TGFBR1: variants seen among roughly 807,000 people sequenced by gnomAD.
TGFBR1 encodes TGF-beta receptor type-1.
Under a neutral mutation model 55.1 loss-of-function variants are expected in TGFBR1, and 20 were observed. The observed-to-expected ratio is 0.36, with a 90% CI of 0.26 to 0.53. The LOEUF is 0.53. Among genes scored for constraint, TGFBR1 ranks in the 20% least tolerant of loss-of-function variants. TGFBR1 has a pLI of 0.91. For missense variants in TGFBR1, 385 were observed against 617.6 expected (o/e 0.62, Z 3.99); for synonymous variants, 220 against 214.8 (o/e 1.02, Z -0.21).
intron 2 of TGFBR1, among the ~76,000 whole-genome samples, chr9:99,131,677 T>C (rs913724033): frequency 6.6e-6 from 1 of 151,978 alleles, no homozygotes; most frequent in Non-Finnish European, 1.5e-5. Context: ...TTTAAAAAAT[T>C]GGTGGACCTA....
chr9:99,118,266 C>T (rs1455053381), intron 1 of TGFBR1, among the ~76,000 whole-genome samples: 10 of 152,088 alleles, frequency 6.6e-5, no homozygotes, highest in African/African-American at 2.2e-4. Flanking sequence ...CATAGTTGTC[C>T]TCTGCAAGTA....
At chr9:99,137,784 C>A in intron 3 of TGFBR1, 75 bp from the exon 4 acceptor site, 1 of 1,214,202 alleles carries the variant, frequency 8.2e-7, no homozygotes, top group Non-Finnish European at 1.2e-6. Flanking sequence ...CTGGGTCACT[C>A]ATTAGTGCCT....
intron 1 of TGFBR1, among the ~76,000 whole-genome samples, chr9:99,106,610 A>G (rs1245585932): frequency 6.6e-6 from 1 of 152,218 alleles, no homozygotes; most frequent in Non-Finnish European, 1.5e-5. Context: ...CAGATGTGCA[A>G]AGTGGGGTAC....
In TGFBR1 at chr9:99,149,934, A is replaced by T. The variant is rs199867951; in HGVS notation, c.*629A>T. On this transcript the variant is annotated 3_prime_UTR_variant, in exon 9 of 9. Coordinates refer to ENST00000374994, the MANE Select transcript of TGFBR1 (RefSeq NM_004612.4). ...GAACATTACATGCCTTCAAAATGGG[A>T]TTGTACTATACCAGTAAGTGCCACT... 5.1e-6 allele frequency: 1 copy of T among 194,456 alleles called. No homozygotes were observed. Among genetic ancestry groups the T allele is most frequent in the African/African-American group, 2.3e-5 (1 of 43,172 alleles). The allele number at this position is 194,456 out of a possible 1,614,324, so 12.0% of individuals were successfully genotyped here.
chr9:99,106,593 C>T (rs372284259), intron 1 of TGFBR1, among the ~76,000 whole-genome samples: 1 of 152,292 alleles, frequency 6.6e-6, no homozygotes, highest in African/African-American at 2.4e-5. Context: ...GCATTTGCCC[C>T]ACTTTACAGA....
In TGFBR1 at chr9:99,149,960, T is replaced by G. The variant is rs1396355783; in HGVS notation, c.*655T>G. ...TTGTACTATACCAGTAAGTGCCACT[T>G]CTGTGTCTTTCTAATGGAAATGAGT... is the stretch of plus-strand genomic sequence containing the variant. On this transcript the variant is annotated 3_prime_UTR_variant, in exon 9 of 9. Transcript: ENST00000374994. The G allele has an allele frequency of 1.1e-5, 2 of 189,806 alleles. No homozygotes were observed. The highest frequency in any genetic ancestry group is 1.1e-5 in the Non-Finnish European group (1 of 90,240). 11.8% of individuals were successfully genotyped at this position (189,806 alleles called of 1,614,324 possible).
Position 99,120,934 on chromosome 9 carries a change from A to G in TGFBR1, c.98-7921A>G, listed in dbSNP as rs76327464. Among the ~76,000 whole-genome samples the G allele has an allele frequency of 6.9e-3, 1,056 of 152,268 alleles. 19 individuals are homozygous for G. The highest frequency in any genetic ancestry group is 0.024 in the African/African-American group (996 of 41,564). On this transcript the variant is annotated intron_variant, in intron 1 of 8. Coordinates refer to ENST00000374994, the MANE Select transcript of TGFBR1 (RefSeq NM_004612.4). The stretch of plus-strand genomic sequence containing the variant: ...TCCCATCTTGCCATTTGGGCAGCCT[A>G]TTCTTAGTGTGTTTTCTCTGATATC...
intron 1 of TGFBR1, among the ~76,000 whole-genome samples, chr9:99,111,044 A>G (rs1030783121): frequency 6.6e-6 from 1 of 152,148 alleles, no homozygotes; most frequent in Non-Finnish European, 1.5e-5. Flanking sequence ...CAGTTTTACT[A>G]TTTCTTTGCA....
intron 1 of TGFBR1, among the ~76,000 whole-genome samples, chr9:99,105,767 C>A (rs985617207): frequency 6.6e-6 from 1 of 152,132 alleles, no homozygotes; most frequent in Admixed American, 6.5e-5. Context: ...CTGCCGAACC[C>A]GGGGCGGGGT....
intron 1 of TGFBR1, among the ~76,000 whole-genome samples, chr9:99,113,596 G>A (rs1027483069): frequency 6.6e-6 from 1 of 152,148 alleles, no homozygotes; most frequent in African/African-American, 2.4e-5. Flanking sequence ...TTTCAAAAGA[G>A]GATAGTTCCT....
At chr9:99,122,912 A>C (rs991130468) in intron 1 of TGFBR1, among the ~76,000 whole-genome samples, 1 of 152,196 alleles carries the variant, frequency 6.6e-6, no homozygotes, top group East Asian at 1.9e-4. Context: ...TGATGCCACA[A>C]GTGGAAAATT....
At chr9:99,110,623 T>C (rs1012411700) in intron 1 of TGFBR1, among the ~76,000 whole-genome samples, 25 of 152,318 alleles carry the variant, frequency 1.6e-4, no homozygotes, top group Admixed American at 7.8e-4. Flanking sequence ...AATATATATA[T>C]AAAAGAAAGA....
chr9:99,146,335 G>T, intron 6 of TGFBR1, 150 bp from the exon 7 acceptor site: 1 of 936,066 alleles, frequency 1.1e-6, no homozygotes, highest in Non-Finnish European at 1.7e-6. Flanking sequence ...GCAAACCAGT[G>T]TGGATATTTA....
intron 3 of TGFBR1, among the ~76,000 whole-genome samples, chr9:99,136,355 G>C (rs1412473674): frequency 1.3e-5 from 2 of 152,148 alleles, no homozygotes; most frequent in Non-Finnish European, 2.9e-5. Flanking sequence ...GGTGTTTTCA[G>C]AATTTGTGTT....
intron 1 of TGFBR1, among the ~76,000 whole-genome samples, chr9:99,116,568 T>C (rs1826749328): frequency 6.6e-6 from 1 of 152,204 alleles, no homozygotes; most frequent in South Asian, 2.1e-4. Context: ...ATTTCATAAT[T>C]CTGCAAGATA....
At chr9:99,129,248 A>G in intron 2 of TGFBR1, 148 bp downstream of exon 2, 4 of 964,804 alleles carry the variant, frequency 4.1e-6, no homozygotes, top group Admixed American at 2.3e-5. Flanking sequence ...TTACAGACTT[A>G]TAAGAGTAAC....
intron 2 of TGFBR1, among the ~76,000 whole-genome samples, chr9:99,130,608 T>A (rs77104714): frequency 6.6e-6 from 1 of 152,254 alleles, no homozygotes; most frequent in Admixed American, 6.5e-5. Context: ...GAAGTCACCT[T>A]ATTTCTCATG....
chr9:99,143,552 A>T (rs11568785), intron 5 of TGFBR1, among the ~76,000 whole-genome samples: 1 of 152,140 alleles, frequency 6.6e-6, no homozygotes, highest in African/African-American at 2.4e-5. Flanking sequence ...TTGCAACCCA[A>T]TGGCTCCCCC....
intron 1 of TGFBR1, among the ~76,000 whole-genome samples, chr9:99,113,420 A>G (rs1006551424): frequency 1.3e-5 from 2 of 152,102 alleles, no homozygotes; most frequent in Admixed American, 6.5e-5. Context: ...CTCTTTTTCT[A>G]TTTGGATTGA....
Sources: allele counts gnomAD v4.1 joint callset (sites outside exome capture counted in the v4.1 genomes callset), GRCh38; gene constraint gnomAD v4.1.1; transcripts MANE v1.5; gene names NCBI Gene and HGNC (gene_info 2026-07-23, HGNC 2026-07-21).